Variants in KALRN observed in about 807,000 individuals in gnomAD.
KALRN encodes kalirin.
Under a neutral mutation model 353.7 loss-of-function variants are expected in KALRN, and 70 were observed. The observed-to-expected ratio is 0.20, with a 90% CI of 0.16 to 0.24. The LOEUF (loss-of-function observed/expected upper bound fraction) is 0.24, where lower values mean the gene tolerates loss of function less well. KALRN is among the 10% of genes least tolerant of loss of function. The pLI, the probability that KALRN is intolerant of heterozygous loss-of-function variation, is 1.00. For missense variants in KALRN, 2,791 were observed against 3,756.7 expected, an observed-to-expected ratio of 0.74 and a Z score of 6.72; for synonymous variants, 1,391 against 1,434.8, an observed-to-expected ratio of 0.97 and a Z score of 0.69.
intron 1 of KALRN, among the ~76,000 whole-genome samples, chr3:124,111,956 A>G (rs571262117): frequency 6.6e-6 from 1 of 152,302 alleles, no homozygotes; most frequent in East Asian, 1.9e-4. Flanking sequence ...GGGTCCTTCC[A>G]AGTGCTCCTG....
intron 13 of KALRN, among the ~76,000 whole-genome samples, chr3:124,410,591 T>C (rs1310353932): frequency 6.6e-6 from 1 of 152,144 alleles, no homozygotes; most frequent in Non-Finnish European, 1.5e-5. Context: ...CATTTGAAAA[T>C]GTTCTCACCA....
chr3:124,398,173 G>A (rs1157784943), intron 12 of KALRN, among the ~76,000 whole-genome samples: 1 of 152,164 alleles, frequency 6.6e-6, no homozygotes, highest in Non-Finnish European at 1.5e-5. Flanking sequence ...CATAACTTTA[G>A]CATAGCTTTA....
chr3:124,408,922 A>G (rs1241273488), intron 13 of KALRN, among the ~76,000 whole-genome samples: 1 of 152,216 alleles, frequency 6.6e-6, no homozygotes, highest in Non-Finnish European at 1.5e-5. Context: ...ATGGCAGAAT[A>G]CTGGATTTGG....
At chr3:124,642,654 A>C (rs2082162379) in intron 37 of KALRN, among the ~76,000 whole-genome samples, 1 of 152,010 alleles carries the variant, frequency 6.6e-6, no homozygotes, top group South Asian at 2.1e-4. Context: ...TAGAAGAATT[A>C]ACTTGTTTTG....
chr3:124,287,033 G>A (rs1005203791), intron 5 of KALRN, among the ~76,000 whole-genome samples: 3 of 152,078 alleles, frequency 2.0e-5, no homozygotes, highest in African/African-American at 7.2e-5. Flanking sequence ...TTTAGACTTT[G>A]GTATGGTAGG....
At chr3:124,196,497 G>A (rs1238413229) in intron 1 of KALRN, among the ~76,000 whole-genome samples, 3 of 152,236 alleles carry the variant, frequency 2.0e-5, no homozygotes, top group African/African-American at 7.2e-5. Context: ...AATTCCTCAG[G>A]AACACATTTC....
At chr3:124,092,701 A>G (rs1328978358) in intron 1 of KALRN, among the ~76,000 whole-genome samples, 3 of 152,256 alleles carry the variant, frequency 2.0e-5, no homozygotes, top group South Asian at 2.1e-4. Context: ...GAGGAGACAG[A>G]TGGGCACCTA....
intron 4 of KALRN, among the ~76,000 whole-genome samples, chr3:124,267,109 A>G (rs1249659066): frequency 6.6e-6 from 1 of 152,174 alleles, no homozygotes; most frequent in Middle Eastern, 3.2e-3. Flanking sequence ...AAAAACAGTG[A>G]ATTTAATACT....
chr3:124,504,607 A>G (rs1164959396), intron 33 of KALRN: 1 of 316,822 alleles, frequency 3.2e-6, no homozygotes, highest in Non-Finnish European at 6.3e-6. Flanking sequence ...GGCAAGTATT[A>G]ATGCCTATCA....
intron 1 of KALRN, among the ~76,000 whole-genome samples, chr3:124,038,378 C>CT (rs1320067304): frequency 6.6e-6 from 1 of 152,070 alleles, no homozygotes; most frequent in East Asian, 1.9e-4. Context: ...GAGGTGTGTG[C>CT]TTAGCCAGAA....
At chr3:124,264,411 AGTGCAGGTTTCCGG>A (rs1460372013) in intron 3 of KALRN, 73 bp from the exon 4 acceptor site, 1 of 1,051,322 alleles carries the variant, frequency 9.5e-7, no homozygotes, top group East Asian at 2.6e-5. Context: ...GGTCAAGGGG[AGTGCAGGTTTCCGG>A]GTGCTTTTTG....
At position 124,674,570 on chromosome 3, in the gene KALRN, C is replaced by G. The variant is rs1465797628; in HGVS notation, c.7149C>G (p.Pro2383=). The change falls in exon 49 of 60, where the codon CCC becomes CCG. Residue 2383 remains proline (P), a synonymous_variant. Transcript: ENST00000682506. ...EGWVPGSILA[P]LTKATAAESS... is the part of the protein sequence containing the mutation. ...GGGTCCCAGGCAGCATCCTGGCGCC[C>G]CTCACCAAAGCCACAGCAGCAGAAA... 14 of 1,608,416 alleles carry G rather than the reference C, an allele frequency of 8.7e-6. No homozygotes were observed. The highest frequency in any genetic ancestry group is 1.3e-5 in the African/African-American group (1 of 74,814).
intron 1 of KALRN, among the ~76,000 whole-genome samples, chr3:124,188,936 A>C (rs1209978283): frequency 1.3e-5 from 2 of 152,174 alleles, no homozygotes; most frequent in Non-Finnish European, 1.5e-5. Flanking sequence ...TAGTTGAGGA[A>C]CTTTGAGCTT....
intron 28 of KALRN, among the ~76,000 whole-genome samples, chr3:124,487,979 G>T (rs2062741699): frequency 1.3e-5 from 2 of 152,186 alleles, no homozygotes; most frequent in Non-Finnish European, 2.9e-5. Flanking sequence ...AGTTGGGTTG[G>T]ATTGAGTTAG....
chr3:124,489,634 C>T (rs936662723), intron 29 of KALRN, among the ~76,000 whole-genome samples: 1 of 152,200 alleles, frequency 6.6e-6, no homozygotes, highest in Non-Finnish European at 1.5e-5. Context: ...CCCTCCACCC[C>T]ACCCTGGAAG....
chr3:124,634,710 T>TC (rs1253814364), intron 36 of KALRN, among the ~76,000 whole-genome samples: 4 of 152,214 alleles, frequency 2.6e-5, no homozygotes, highest in Non-Finnish European at 4.4e-5. Flanking sequence ...CCTTTTTTTT[T>TC]CTGCCTTAAG....
rs538915909 is a variant in KALRN at position 124,214,204 on chromosome 3, T to A, written c.74-13786T>A. ...AGACACTGTATGCACAATTGAGACA[T>A]GGTTGTACATAACTATTTTATAATC... is the stretch of plus-strand genomic sequence containing the variant. On this transcript the variant is annotated intron_variant, in intron 1 of 59. Coordinates refer to ENST00000682506, the MANE Select transcript of KALRN (RefSeq NM_001388419.1). Among the ~76,000 whole-genome samples the A allele has an allele frequency of 5.3e-5, 8 of 152,240 alleles. No individual in the cohort carries two copies. The East Asian group carries it at 1.5e-3, about 29-fold the overall frequency.
At chr3:124,379,194 G>A (rs1282539217) in intron 10 of KALRN, among the ~76,000 whole-genome samples, 2 of 151,998 alleles carry the variant, frequency 1.3e-5, no homozygotes, top group African/African-American at 4.8e-5. Context: ...TGTTAATACA[G>A]TCTAATGTTT....
intron 37 of KALRN, among the ~76,000 whole-genome samples, chr3:124,642,162 T>C (rs1246024420): frequency 1.3e-5 from 2 of 152,102 alleles, no homozygotes; most frequent in Non-Finnish European, 2.9e-5. Flanking sequence ...CATGCGCCTG[T>C]AATCCCAGCT....
Sources: gnomAD v4.1 joint callset for allele counts (sites outside exome capture counted in the v4.1 genomes callset) on GRCh38, gnomAD v4.1.1 for gene constraint, MANE v1.5 for transcripts, NCBI Gene and HGNC (gene_info 2026-07-23, HGNC 2026-07-21) for gene names.